Variants in RAD51C observed in about 807,000 individuals in gnomAD.
RAD51C encodes RAD51 paralog C, also known as DNA repair protein RAD51 homolog 3.
A neutral mutation model predicts 45.0 loss-of-function variants in RAD51C; 42 were observed. That is an observed-to-expected ratio of 0.93 (90% confidence interval 0.73 to 1.21). The LOEUF (loss-of-function observed/expected upper bound fraction) is 1.21. RAD51C is among the 50% of genes most tolerant of loss of function. The pLI is 0.00. For missense variants in RAD51C, 474 were observed against 452.2 expected (o/e 1.05, Z -0.44); for synonymous variants, 172 against 159.8 (o/e 1.08, Z -0.58).
chr17:58,722,000 C>T (rs2048933260), intron 6 of RAD51C, among the ~76,000 whole-genome samples: 1 of 152,100 alleles, frequency 6.6e-6, no homozygotes, highest in South Asian at 2.1e-4. Context: ...TAAGCAAGAG[C>T]TTCCTAATGT....
Position 58,695,203 on chromosome 17 carries a change from T to C in RAD51C, c.404+14T>C, listed in dbSNP as rs2143728636. 3 of 1,607,176 alleles carry C rather than the reference T, an allele frequency of 1.9e-6. No individual in the cohort carries two copies. Among genetic ancestry groups the C allele is most frequent in the Non-Finnish European group, 2.5e-6 (3 of 1,176,474 alleles). ...AACACAATTATGGTAAAATAAAGTG[T>C]TCTCCTTTTAAGGGTGGGTTTAATA... On this transcript the variant is annotated intron_variant, in intron 2 of 8. Coordinates refer to ENST00000337432, the MANE Select transcript of RAD51C (RefSeq NM_058216.3).
At chr17:58,704,036 A>C (rs562511032) in intron 4 of RAD51C, among the ~76,000 whole-genome samples, 1 of 136,916 alleles carries the variant, frequency 7.3e-6, no homozygotes, top group Non-Finnish European at 1.5e-5. Flanking sequence ...GATTATAGGC[A>C]TGAGCCACTG....
rs2144060685 is a variant in RAD51C at position 58,734,138 on chromosome 17, T to G, written c.1047T>G (p.Thr349=). Residue 349 remains threonine, a synonymous_variant, in exon 9 of 9, where the codon ACT becomes ACG. Coordinates refer to ENST00000337432, the MANE Select transcript of RAD51C (RefSeq NM_058216.3). ...FQIKPQGFRD[T]VVTSACSLQT... ...TTCAGCCTCAGGGATTTAGAGATACTGTTGTTACTTCTGCATGTTCATTGC... is the reference window on the plus strand; with the variant it reads ...TTCAGCCTCAGGGATTTAGAGATACGGTTGTTACTTCTGCATGTTCATTGC... 1.9e-6 allele frequency: 3 copies of G among 1,613,544 alleles called. No individual in the cohort carries two copies. Among genetic ancestry groups the G allele is most frequent in the Non-Finnish European group, 2.5e-6 (3 of 1,179,700 alleles).
chr17:58,703,179 G>T lies in RAD51C; in HGVS notation c.572-17G>T, dbSNP rs193023469. Reference sequence around the variant, plus strand: ...TCCAAACAGGTAAAACTAATTAAGAGTGTTTTGTTGTTTCAGAACACCGAA... The same window carrying T: ...TCCAAACAGGTAAAACTAATTAAGATTGTTTTGTTGTTTCAGAACACCGAA... On this transcript the variant is annotated splice_polypyrimidine_tract_variant and intron_variant, in intron 3 of 8. Coordinates refer to ENST00000337432, the MANE Select transcript of RAD51C (RefSeq NM_058216.3). 5.2e-3 allele frequency: 8,341 copies of T among 1,608,650 alleles called. 33 individuals carry two copies. The highest frequency in any genetic ancestry group is 6.7e-3 in the Middle Eastern group (40 of 5,936).
intron 5 of RAD51C, among the ~76,000 whole-genome samples, chr17:58,718,530 T>G (rs909578891): frequency 6.6e-6 from 1 of 152,214 alleles, no homozygotes; most frequent in Admixed American, 6.5e-5. Context: ...TTGTTTTCCC[T>G]GCTTTATTTA....
At chr17:58,725,858 G>A (rs1356836849) in intron 7 of RAD51C, among the ~76,000 whole-genome samples, 4 of 151,972 alleles carry the variant, frequency 2.6e-5, no homozygotes, top group Non-Finnish European at 5.9e-5. Flanking sequence ...TGGGCGTGAT[G>A]GCACACACCT....
chr17:58,720,367 G>C (rs1001712014), intron 5 of RAD51C, among the ~76,000 whole-genome samples: 4 of 150,650 alleles, frequency 2.7e-5, no homozygotes, highest in Non-Finnish European at 5.9e-5. Context: ...TGTGGGCAGA[G>C]ATTGTGCCAC....
chr17:58,705,523 A>G (rs2567904), intron 4 of RAD51C, among the ~76,000 whole-genome samples: 2 of 151,962 alleles, frequency 1.3e-5, no homozygotes, highest in Admixed American at 6.6e-5. Flanking sequence ...TAGTAGAGAC[A>G]GGGTTTCCCC....
intron 2 of RAD51C, among the ~76,000 whole-genome samples, chr17:58,695,997 G>T (rs1301265920): frequency 6.6e-6 from 1 of 151,890 alleles, no homozygotes; most frequent in African/African-American, 2.4e-5. Flanking sequence ...TACTTGGGAG[G>T]TGGAGGTTGC....
At chr17:58,710,335 A>AC (rs1165926613) in intron 5 of RAD51C, among the ~76,000 whole-genome samples, 6 of 150,228 alleles carry the variant, frequency 4.0e-5, no homozygotes, top group Non-Finnish European at 8.9e-5. Context: ...AAAAAAAAAA[A>AC]AAAAAACCAA....
Position 58,692,745 on chromosome 17 carries a change from T to A in RAD51C, c.102T>A (p.Thr34=), listed in dbSNP as rs550757849. ...AGCTGGTGTCTGCGGGGTTCCAGACTGCTGAGGAACTCCTAGAGGTGAAAC... is the reference window on the plus strand; with the variant it reads ...AGCTGGTGTCTGCGGGGTTCCAGACAGCTGAGGAACTCCTAGAGGTGAAAC... The part of the protein sequence containing the change: ...RVKLVSAGFQ[T]AEELLEVKPS... Residue 34 remains threonine (T), a synonymous_variant, in exon 1 of 9, where the codon ACT becomes ACA. Coordinates refer to ENST00000337432, the MANE Select transcript of RAD51C (RefSeq NM_058216.3). 6.2e-7 allele frequency: 1 copy of A among 1,614,256 alleles called. No homozygotes were observed. Among genetic ancestry groups the A allele is most frequent in the Non-Finnish European group, 8.5e-7 (1 of 1,180,044 alleles).
intron 5 of RAD51C, among the ~76,000 whole-genome samples, chr17:58,718,690 G>A (rs1301153278): frequency 6.6e-6 from 1 of 152,036 alleles, no homozygotes; most frequent in Non-Finnish European, 1.5e-5. Context: ...ATAATTTGGA[G>A]TCATTTGACC....
chr17:58,729,304 G>C (rs574583247), intron 7 of RAD51C, among the ~76,000 whole-genome samples: 1 of 151,060 alleles, frequency 6.6e-6, no homozygotes, highest in African/African-American at 2.4e-5. Flanking sequence ...TACAACCTCG[G>C]CCTCCCGGGT....
At chr17:58,702,807 G>A (rs751505612) in intron 3 of RAD51C, among the ~76,000 whole-genome samples, 15 of 151,994 alleles carry the variant, frequency 9.9e-5, no homozygotes, top group Non-Finnish European at 1.6e-4. Flanking sequence ...AGGTTGCAGC[G>A]AGCTATGATT....
intron 6 of RAD51C, among the ~76,000 whole-genome samples, chr17:58,721,256 T>G (rs1172040540): frequency 3.3e-5 from 5 of 152,146 alleles, no homozygotes; most frequent in Admixed American, 6.6e-5. Flanking sequence ...CACTCCAGCC[T>G]GGGGGACAGA....
At chr17:58,699,087 A>C (rs2048120026) in intron 3 of RAD51C, among the ~76,000 whole-genome samples, 1 of 150,386 alleles carries the variant, frequency 6.6e-6, no homozygotes, top group Non-Finnish European at 1.5e-5. Context: ...GCTCACTGCA[A>C]CCTCTGCCTG....
chr17:58,719,258 G>T (rs922300996), intron 5 of RAD51C, among the ~76,000 whole-genome samples: 1 of 151,998 alleles, frequency 6.6e-6, no homozygotes, highest in Non-Finnish European at 1.5e-5. Flanking sequence ...TGGTCATCAG[G>T]CTGGGGTACG....
At chr17:58,707,123 C>T (rs764745768) in intron 4 of RAD51C, among the ~76,000 whole-genome samples, 3 of 152,142 alleles carry the variant, frequency 2.0e-5, no homozygotes, top group Admixed American at 6.6e-5. Flanking sequence ...CAAGTTTTAC[C>T]TTCCATAAAA....
chr17:58,716,310 C>T (rs1361442842), intron 5 of RAD51C, among the ~76,000 whole-genome samples: 3 of 152,048 alleles, frequency 2.0e-5, no homozygotes, highest in Admixed American at 6.6e-5. Flanking sequence ...ATACGTAGTG[C>T]GTAAACTAAG....
Sources: allele counts gnomAD v4.1 joint callset (sites outside exome capture counted in the v4.1 genomes callset), GRCh38; gene constraint gnomAD v4.1.1; transcripts MANE v1.5; gene names NCBI Gene and HGNC (gene_info 2026-07-23, HGNC 2026-07-21).